TRPV1: variants seen among roughly 807,000 people sequenced by gnomAD.
TRPV1 encodes transient receptor potential cation channel subfamily V member 1.
A neutral mutation model predicts 82.3 loss-of-function variants in TRPV1; 82 were observed. The observed-to-expected ratio is 1.00, with a 90% CI of 0.83 to 1.20. The LOEUF (loss-of-function observed/expected upper bound fraction) is 1.20, where lower values mean the gene tolerates loss of function less well. Ranked by LOEUF, TRPV1 falls within the 50% of genes most tolerant of loss-of-function variation. TRPV1 has a pLI of 0.00. For synonymous variants in TRPV1, 515 were observed against 467.7 expected (o/e 1.10, Z -1.30); for missense variants, 1,067 against 1,096.8 (o/e 0.97, Z 0.38).
chr17:3,571,761 G>A lies in TRPV1; in HGVS notation c.2232-122C>T, dbSNP rs966354250. 4.1e-6 allele frequency: 3 copies of A among 737,276 alleles called. No homozygotes were observed. The Admixed American group carries it at 7.9e-5, about 19-fold the overall frequency. The allele number at this position is 737,276 out of a possible 1,614,324, so 45.7% of individuals were successfully genotyped here. ...GGATGGAGATGTGGTGGGTCGGGGA[G>A]GGCAGAGAGGACTTGATTTTTGGAC... is the stretch of plus-strand genomic sequence containing the variant. On this transcript the variant is annotated intron_variant, in intron 15 of 16. Coordinates refer to ENST00000572705, the MANE Select transcript of TRPV1 (RefSeq NM_080704.4).
intron 2 of TRPV1, among the ~76,000 whole-genome samples, chr17:3,600,613 A>G (rs2075254219): frequency 6.6e-6 from 1 of 152,112 alleles, no homozygotes; most frequent in East Asian, 1.9e-4. Context: ...AAACAAAACA[A>G]AAGACAGCAC....
intron 16 of TRPV1, among the ~76,000 whole-genome samples, chr17:3,567,369 C>CAAAAAAAAAAAAAAA (rs56391405): frequency 3.8e-5 from 2 of 52,796 alleles, no homozygotes; most frequent in African/African-American, 7.4e-5. Flanking sequence ...AACTCCGTCT[C>CAAAAAAAAAAAAAAA]AAAAAAAAAA....
intron 13 of TRPV1, among the ~76,000 whole-genome samples, chr17:3,576,653 G>GAAAAA (rs35781190): frequency 0.035 from 1,464 of 41,416 alleles, 100 homozygotes; most frequent in Admixed American, 0.063. Context: ...CTCTGTATGA[G>GAAAAA]AAAAAAAAAA....
intron 8 of TRPV1, among the ~76,000 whole-genome samples, chr17:3,587,065 C>A (rs953520742): frequency 7.9e-4 from 120 of 152,176 alleles, no homozygotes; most frequent in African/African-American, 2.8e-3. Flanking sequence ...CAGGACAAGT[C>A]CACACTCCTT....
chr17:3,590,358 G>A lies in TRPV1; in HGVS notation c.639C>T (p.Arg213=), dbSNP rs1303953408. 1 of 1,613,876 alleles carries A rather than the reference G, an allele frequency of 6.2e-7. No homozygotes were observed. The highest frequency in any genetic ancestry group is 1.7e-5 in the Admixed American group (1 of 60,006). ...CCAGGAGGGTCACCAGGGCCATGTTGCGTCTCTCGATGGCGATGTGCAGTG... is the reference window on the plus strand; with the variant it reads ...CCAGGAGGGTCACCAGGGCCATGTTACGTCTCTCGATGGCGATGTGCAGTG... The part of the protein sequence containing the change: ...QTALHIAIER[R]NMALVTLLVE... Residue 213 remains arginine (R), a synonymous_variant, in exon 6 of 17, where the codon CGC becomes CGT. Coordinates refer to ENST00000572705, the MANE Select transcript of TRPV1 (RefSeq NM_080704.4).
At chr17:3,572,023 TC>T (rs2074860469) in intron 15 of TRPV1, 98 bp downstream of exon 15, 1 of 1,479,936 alleles carries the variant, frequency 6.8e-7, no homozygotes, top group African/African-American at 1.4e-5. Flanking sequence ...CCCCCTGTGC[TC>T]ATGACCAGCC....
intron 10 of TRPV1, 144 bp from the exon 11 acceptor site, chr17:3,580,671 G>A: frequency 1.2e-6 from 1 of 860,680 alleles, no homozygotes; most frequent in Non-Finnish European, 1.9e-6. Context: ...AACAGCAAGG[G>A]TCAGGCCAAT....
At chr17:3,588,954 T>G (rs1022244654) in intron 7 of TRPV1, 66 of 1,535,310 alleles carry the variant, frequency 4.3e-5, no homozygotes, top group Non-Finnish European at 5.2e-5. Context: ...CGGTGGTCCA[T>G]TCTCGATAAC....
chr17:3,571,728 AC>A, intron 15 of TRPV1, 89 bp from the exon 16 acceptor site: 1 of 1,008,440 alleles, frequency 9.9e-7, no homozygotes, highest in Non-Finnish European at 1.5e-6. Context: ...CAAGAAACCC[AC>A]CCATCAGGAT....
chr17:3,580,329 C>A, intron 11 of TRPV1, 128 bp downstream of exon 11: 2 of 938,632 alleles, frequency 2.1e-6, no homozygotes, highest in Non-Finnish European at 1.7e-6. Flanking sequence ...TCAGTGCCTT[C>A]CGTCATTCCC....
chr17:3,588,652 T>C (rs1426656162), intron 7 of TRPV1, among the ~76,000 whole-genome samples: 1 of 146,726 alleles, frequency 6.8e-6, no homozygotes, highest in Non-Finnish European at 1.5e-5. Context: ...TTACTGAAAA[T>C]ACAAAAAAAA....
chr17:3,570,317 C>T (rs1487148729), intron 16 of TRPV1, among the ~76,000 whole-genome samples: 1 of 151,194 alleles, frequency 6.6e-6, no homozygotes, highest in Non-Finnish European at 1.5e-5. Flanking sequence ...GTGCAGTAAA[C>T]CCAGATCACG....
chr17:3,577,120 C>T lies in TRPV1; in HGVS notation c.1780+6G>A. On this transcript the variant is annotated splice_donor_region_variant and intron_variant, in intron 13 of 16. Transcript: ENST00000572705. ...GCCCTCCCCCAGCGCTGACCAAGCT[C>T]ATTACCTGTGGAAAACCCGAACAAG... 6.3e-7 allele frequency: 1 copy of T among 1,580,992 alleles called. No homozygotes were observed. Among genetic ancestry groups the T allele is most frequent in the Non-Finnish European group, 8.6e-7 (1 of 1,163,880 alleles).
chr17:3,580,683 G>A (rs1445921757), intron 10 of TRPV1, among the ~76,000 whole-genome samples, 156 bp from the exon 11 acceptor site: 3 of 152,190 alleles, frequency 2.0e-5, no homozygotes, highest in Admixed American at 6.5e-5. Context: ...CAGGCCAATG[G>A]GGTGACACTA....
chr17:3,585,613 C>T (rs144352772), intron 9 of TRPV1, 155 bp downstream of exon 9: 442 of 898,880 alleles, frequency 4.9e-4, no homozygotes, highest in African/African-American at 1.7e-3. Context: ...CGCAGGGATA[C>T]GAGGTTCTCC....
chr17:3,582,202 A>AAAAAAAAAAAAACAAAAAAC (rs2075029681), intron 10 of TRPV1, among the ~76,000 whole-genome samples: 1 of 144,616 alleles, frequency 6.9e-6, no homozygotes, highest in Non-Finnish European at 1.5e-5. Flanking sequence ...AAAAAAAAAA[A>AAAAAAAAAAAAACAAAAAAC]AAAAAAAAAA....
intron 14 of TRPV1, 98 bp downstream of exon 14, chr17:3,573,535 C>CT: frequency 7.2e-6 from 1 of 139,554 alleles, no homozygotes; most frequent in South Asian, 2.8e-4. Context: ...ACACACCGCC[C>CT]CCACCACCCA....
At chr17:3,567,464 G>A (rs191571936) in intron 16 of TRPV1, among the ~76,000 whole-genome samples, 2 of 151,588 alleles carry the variant, frequency 1.3e-5, no homozygotes, top group African/African-American at 2.4e-5. Context: ...CACCTGGATC[G>A]GTGCAATGTC....
In TRPV1 at chr17:3,590,951, C is replaced by T. The variant is rs2150848471; in HGVS notation, c.604+13G>A. 6 of 1,585,964 alleles carry T rather than the reference C, an allele frequency of 3.8e-6. No homozygotes were observed. The highest frequency in any genetic ancestry group is 2.3e-5 in the East Asian group (1 of 44,056). On this transcript the variant is annotated intron_variant, in intron 5 of 16. Coordinates refer to ENST00000572705, the MANE Select transcript of TRPV1 (RefSeq NM_080704.4). ...GCGGGCTGAGCCATGCCCGGCCCCG[C>T]CGCCCTCCTCACCCTTGTAGTAGCT...
Sources: gnomAD v4.1 joint callset for allele counts (sites outside exome capture counted in the v4.1 genomes callset) on GRCh38, gnomAD v4.1.1 for gene constraint, MANE v1.5 for transcripts, NCBI Gene and HGNC (gene_info 2026-07-23, HGNC 2026-07-21) for gene names.